The following PRKAR2B variants were observed in gnomAD, a reference collection of about 807,000 sequenced individuals.
PRKAR2B encodes protein kinase cAMP-dependent type II regulatory subunit beta, also known as cAMP-dependent protein kinase type II-beta regulatory subunit.
A neutral mutation model predicts 49.9 loss-of-function variants in PRKAR2B; 14 were observed. That is an observed-to-expected ratio of 0.28 (90% CI 0.19 to 0.44). The LOEUF is 0.44. Among genes scored for constraint, PRKAR2B ranks in the 20% least tolerant of loss-of-function variants. PRKAR2B has a pLI of 1.00. For synonymous variants in PRKAR2B, 196 were observed against 197.7 expected (o/e 0.99, Z 0.07); for missense variants, 393 against 537.9 (o/e 0.73, Z 2.67).
At chr7:107,066,197 A>G (rs911984571) in intron 1 of PRKAR2B, among the ~76,000 whole-genome samples, 2 of 152,064 alleles carry the variant, frequency 1.3e-5, no homozygotes, top group South Asian at 4.1e-4. Flanking sequence ...TAAAAATGCT[A>G]GGATTTTACT....
chr7:107,063,796 A>G (rs898388561), intron 1 of PRKAR2B, among the ~76,000 whole-genome samples: 1 of 152,196 alleles, frequency 6.6e-6, no homozygotes, highest in Admixed American at 6.5e-5. Flanking sequence ...TGTTTCTCCC[A>G]AATTACCCTT....
rs548348992 is a variant in PRKAR2B at position 107,160,699 on chromosome 7, A to G, written c.*1117A>G. On this transcript the variant is annotated 3_prime_UTR_variant, in exon 11 of 11. Transcript: ENST00000265717. ...GGAATAGAAACAAATTTTTATGAGC[A>G]TAACCCTATATAAAGACAAAATGAA... The G allele has an allele frequency of 6.6e-6, 1 of 152,302 alleles. No homozygotes were observed. The highest frequency in any genetic ancestry group is 2.4e-5 in the African/African-American group (1 of 41,562). The allele number at this position is 152,302 out of a possible 1,614,324, so 9.4% of individuals were successfully genotyped here. A position where few individuals can be genotyped will look rare whatever the true frequency, so the allele number is the denominator to read the frequency against.
At chr7:107,066,410 A>C (rs1352197020) in intron 1 of PRKAR2B, among the ~76,000 whole-genome samples, 1 of 152,038 alleles carries the variant, frequency 6.6e-6, no homozygotes, top group Non-Finnish European at 1.5e-5. Context: ...TTGACTTGTC[A>C]CATTTTAAGA....
At chr7:107,147,508 C>T (rs1263603119) in intron 6 of PRKAR2B, among the ~76,000 whole-genome samples, 1 of 152,178 alleles carries the variant, frequency 6.6e-6, no homozygotes, top group Non-Finnish European at 1.5e-5. Flanking sequence ...ACTAAAGCTC[C>T]TTCTGGAGGA....
rs374484263 is a variant in PRKAR2B at position 107,048,545 on chromosome 7, C to T, written c.307+3331C>T. ...CATGCAACTTGTGCCCATTGACAAA[C>T]GTAGGACAAACGTAGGGATCAAGCA... is the stretch of plus-strand genomic sequence containing the variant. On this transcript the variant is annotated intron_variant, in intron 1 of 10. Coordinates refer to ENST00000265717, the MANE Select transcript of PRKAR2B (RefSeq NM_002736.3). Among the ~76,000 whole-genome samples, 7 of 152,224 alleles carry T rather than the reference C, an allele frequency of 4.6e-5. No individual in the cohort carries two copies. The South Asian group carries it at 1.0e-3, about 23-fold the overall frequency.
In PRKAR2B at chr7:107,096,850, T is replaced by G. The variant is rs1190630036; in HGVS notation, c.344-25102T>G. ...TGAGTTTCTTAATCCTGAATTCTAG[T>G]TTGATTGCACTGTGGTCTGAGAGAC... On this transcript the variant is annotated intron_variant, in intron 2 of 10. Transcript: ENST00000265717. Among the ~76,000 whole-genome samples the G allele has an allele frequency of 3.3e-5, 5 of 152,314 alleles. No individual in the cohort carries two copies. In the East Asian group the frequency reaches 7.7e-4, roughly 23 times the overall value.
chr7:107,057,098 C>T (rs893726379), intron 1 of PRKAR2B, among the ~76,000 whole-genome samples: 1 of 152,192 alleles, frequency 6.6e-6, no homozygotes. Flanking sequence ...CTCATCATTC[C>T]TGCCACTCTG....
chr7:107,071,817 A>T (rs1323924097), intron 2 of PRKAR2B, among the ~76,000 whole-genome samples: 1 of 152,148 alleles, frequency 6.6e-6, no homozygotes, highest in Non-Finnish European at 1.5e-5. Flanking sequence ...TGTAATCCCA[A>T]CACTTTGGGA....
intron 2 of PRKAR2B, among the ~76,000 whole-genome samples, chr7:107,074,244 C>T (rs1235993299): frequency 3.1e-4 from 47 of 151,766 alleles, no homozygotes; most frequent in Admixed American, 3.1e-3. Flanking sequence ...GCTGGGACTA[C>T]AGGTGTACGC....
chr7:107,045,329 A>G lies in PRKAR2B; in HGVS notation c.307+115A>G, dbSNP rs1054464021. ...GCACCCACCTCTCCCCGCATTCTCC[A>G]CCTTTCCCTACCTTCCCATCTCGCC... On this transcript the variant is annotated intron_variant, in intron 1 of 10. Transcript: ENST00000265717. 15 of 839,994 alleles carry G rather than the reference A, an allele frequency of 1.8e-5. No homozygotes were observed. In the African/African-American group the frequency reaches 2.8e-4, roughly 16 times the overall value. The allele number at this position is 839,994 out of a possible 1,614,324, so 52.0% of individuals were successfully genotyped here. A position where few individuals can be genotyped will look rare whatever the true frequency, so the allele number is the denominator to read the frequency against.
intron 2 of PRKAR2B, among the ~76,000 whole-genome samples, chr7:107,070,804 G>A (rs1161260965): frequency 1.3e-5 from 2 of 152,110 alleles, no homozygotes; most frequent in Middle Eastern, 3.2e-3. Context: ...TAAAATGCAG[G>A]TATAAGAACT....
chr7:107,103,705 C>T (rs1013130292), intron 2 of PRKAR2B, among the ~76,000 whole-genome samples: 4 of 152,226 alleles, frequency 2.6e-5, no homozygotes, highest in South Asian at 2.1e-4. Flanking sequence ...CTTTTTCTAT[C>T]GGTAGAGTGG....
chr7:107,109,668 C>T (rs189509213), intron 2 of PRKAR2B, among the ~76,000 whole-genome samples: 5 of 152,064 alleles, frequency 3.3e-5, no homozygotes, highest in Admixed American at 6.6e-5. Flanking sequence ...ATCATACTAC[C>T]GAGGAATAGC....
At chr7:107,126,420 C>CAGAAAAAAAAAAAAAAAAAAAA (rs1795494124) in intron 3 of PRKAR2B, among the ~76,000 whole-genome samples, 1 of 38,392 alleles carries the variant, frequency 2.6e-5, no homozygotes, top group Non-Finnish European at 5.2e-5. Context: ...GAATCTGTCT[C>CAGAAAAAAAAAAAAAAAAAAAA]AAAAAAAAAA....
chr7:107,096,230 G>A (rs1215661648), intron 2 of PRKAR2B, among the ~76,000 whole-genome samples: 1 of 152,194 alleles, frequency 6.6e-6, no homozygotes, highest in Admixed American at 6.5e-5. Flanking sequence ...GTTTAGTCCT[G>A]GGAGGATGTA....
intron 1 of PRKAR2B, among the ~76,000 whole-genome samples, chr7:107,045,459 T>G (rs1347907226): frequency 6.6e-6 from 1 of 152,180 alleles, no homozygotes; most frequent in Non-Finnish European, 1.5e-5. Flanking sequence ...GCTGGGATGT[T>G]ACGCTTCCCT....
intron 6 of PRKAR2B, among the ~76,000 whole-genome samples, chr7:107,150,602 A>G (rs1795965930): frequency 2.0e-5 from 3 of 152,072 alleles, no homozygotes; most frequent in Admixed American, 6.6e-5. Context: ...GCTAGTATAC[A>G]TATTTAAAAA....
chr7:107,063,064 T>G (rs758446141), intron 1 of PRKAR2B, among the ~76,000 whole-genome samples: 5 of 152,190 alleles, frequency 3.3e-5, no homozygotes, highest in Non-Finnish European at 7.3e-5. Context: ...AGTGCGGTGG[T>G]ACGATCTGAG....
intron 2 of PRKAR2B, among the ~76,000 whole-genome samples, chr7:107,117,787 A>G (rs1404273994): frequency 6.6e-6 from 1 of 152,154 alleles, no homozygotes; most frequent in Non-Finnish European, 1.5e-5. Context: ...ACAATATGCG[A>G]AGTCAGTATA....
Sources: allele counts gnomAD v4.1 joint callset (sites outside exome capture counted in the v4.1 genomes callset), GRCh38; gene constraint gnomAD v4.1.1; transcripts MANE v1.5; gene names NCBI Gene and HGNC (gene_info 2026-07-23, HGNC 2026-07-21).